The following CLSTN2 variants were observed in gnomAD, a reference collection of about 807,000 sequenced individuals.
CLSTN2 encodes calsyntenin-2.
CLSTN2 carries 48 observed loss-of-function variants against 101.2 expected under a neutral mutation model. That is an observed-to-expected ratio of 0.47 (90% CI 0.38 to 0.60). CLSTN2 has a LOEUF of 0.60. Ranked by LOEUF, CLSTN2 falls within the 20% of genes least tolerant of loss-of-function variation. The probability of loss-of-function intolerance (pLI) is 0.00; values close to 1 mark genes in which losing one functional copy is unlikely to be tolerated. For missense variants in CLSTN2, 1,160 were observed against 1,238.2 expected, an observed-to-expected ratio of 0.94 and a Z score of 0.95; for synonymous variants, 481 against 463.6, an observed-to-expected ratio of 1.04 and a Z score of -0.48.
intron 2 of CLSTN2, among the ~76,000 whole-genome samples, chr3:140,180,048 A>C (rs1189696999): frequency 6.6e-6 from 1 of 152,226 alleles, no homozygotes; most frequent in African/African-American, 2.4e-5. Context: ...TGCTGTCATC[A>C]TCTGTAAAAG....
intron 1 of CLSTN2, among the ~76,000 whole-genome samples, chr3:140,066,099 CAG>C (rs2008294728): frequency 6.6e-6 from 1 of 152,220 alleles, no homozygotes; most frequent in African/African-American, 2.4e-5. Context: ...TAGCAAGTGA[CAG>C]AGATGAGCTT....
At chr3:139,994,545 G>A (rs1936169593) in intron 1 of CLSTN2, among the ~76,000 whole-genome samples, 1 of 152,254 alleles carries the variant, frequency 6.6e-6, no homozygotes, top group South Asian at 2.1e-4. Flanking sequence ...TCTGTGAGGT[G>A]TTAATCCCCC....
At chr3:140,033,446 C>T (rs1481344066) in intron 1 of CLSTN2, among the ~76,000 whole-genome samples, 1 of 152,210 alleles carries the variant, frequency 6.6e-6, no homozygotes, top group Non-Finnish European at 1.5e-5. Flanking sequence ...TTTTCTTTTC[C>T]ATTCCAATGG....
chr3:140,456,200 T>C (rs1370605254), intron 6 of CLSTN2, among the ~76,000 whole-genome samples: 3 of 152,202 alleles, frequency 2.0e-5, no homozygotes, highest in Admixed American at 1.3e-4. Context: ...CCTCAGTTTC[T>C]ATGTTTGCAA....
At chr3:140,440,037 C>T (rs955736427) in intron 5 of CLSTN2, among the ~76,000 whole-genome samples, 5 of 152,248 alleles carry the variant, frequency 3.3e-5, no homozygotes, top group South Asian at 2.1e-4. Flanking sequence ...TGAGTGGGAA[C>T]GGGACTTAAA....
intron 1 of CLSTN2, among the ~76,000 whole-genome samples, chr3:140,099,791 C>A (rs554881151): frequency 2.0e-5 from 3 of 152,198 alleles, no homozygotes; most frequent in South Asian, 2.1e-4. Context: ...ATTTGCCAAC[C>A]CTGAAGAAAA....
At chr3:140,201,089 T>C (rs1467233454) in intron 2 of CLSTN2, among the ~76,000 whole-genome samples, 1 of 152,240 alleles carries the variant, frequency 6.6e-6, no homozygotes, top group Admixed American at 6.5e-5. Context: ...ACTTGTTGGC[T>C]GAGATGAACG....
At chr3:140,407,417 G>T (rs1368741770) in intron 4 of CLSTN2, among the ~76,000 whole-genome samples, 1 of 152,070 alleles carries the variant, frequency 6.6e-6, no homozygotes, top group Non-Finnish European at 1.5e-5. Flanking sequence ...TTTAACCAGA[G>T]ACTCACCCTC....
intron 2 of CLSTN2, among the ~76,000 whole-genome samples, chr3:140,214,026 C>T (rs1220957766): frequency 6.6e-6 from 1 of 152,044 alleles, no homozygotes; most frequent in Non-Finnish European, 1.5e-5. Context: ...TTAATTGGCC[C>T]AGCAGCTTAG....
chr3:140,123,972 A>T (rs913147219), intron 1 of CLSTN2, among the ~76,000 whole-genome samples: 8 of 152,096 alleles, frequency 5.3e-5, no homozygotes, highest in Non-Finnish European at 1.2e-4. Flanking sequence ...AAACAATCAC[A>T]CTGGGGGTTA....
Position 140,366,518 on chromosome 3 carries a change from C to A in CLSTN2, c.233-37111C>A, listed in dbSNP as rs113361874. 1.4e-3 allele frequency among the ~76,000 whole-genome samples: 220 copies of A among 152,328 alleles called. 1 individual carries two copies. The highest frequency in any genetic ancestry group is 4.8e-3 in the African/African-American group (199 of 41,586). On this transcript the variant is annotated intron_variant, in intron 2 of 16. Coordinates refer to ENST00000458420, the MANE Select transcript of CLSTN2 (RefSeq NM_022131.3). ...CCAGGCTGATTTCAGACAGAGGTGC[C>A]TGAGGAGGACCCGCTTGTATAGGGC... is the stretch of plus-strand genomic sequence containing the variant.
chr3:140,169,387 A>G (rs2010179377), intron 1 of CLSTN2, among the ~76,000 whole-genome samples: 1 of 152,044 alleles, frequency 6.6e-6, no homozygotes, highest in African/African-American at 2.4e-5. Context: ...TTTATTCCAT[A>G]GAATTTTTGC....
intron 2 of CLSTN2, among the ~76,000 whole-genome samples, chr3:140,208,198 G>C (rs1467512477): frequency 6.6e-6 from 1 of 151,986 alleles, no homozygotes; most frequent in Non-Finnish European, 1.5e-5. Context: ...TCCAAACAAT[G>C]CTAATATAGT....
At chr3:140,393,783 G>A (rs920104690) in intron 2 of CLSTN2, among the ~76,000 whole-genome samples, 4 of 152,160 alleles carry the variant, frequency 2.6e-5, no homozygotes. Context: ...CTGCTTGACA[G>A]TGGGAAAACA....
intron 2 of CLSTN2, among the ~76,000 whole-genome samples, chr3:140,388,165 T>C (rs2107968761): frequency 6.6e-6 from 1 of 152,352 alleles, no homozygotes; most frequent in East Asian, 1.9e-4. Context: ...AAAACTGTAA[T>C]GCTGTGAAAG....
At chr3:140,068,453 CCTT>C (rs2008335919) in intron 1 of CLSTN2, among the ~76,000 whole-genome samples, 1 of 152,206 alleles carries the variant, frequency 6.6e-6, no homozygotes, top group Admixed American at 6.5e-5. Context: ...CATGTCTTTG[CCTT>C]CTTCTTTCCA....
At chr3:140,125,324 CAGAG>C (rs1264358634) in intron 1 of CLSTN2, among the ~76,000 whole-genome samples, 2 of 151,982 alleles carry the variant, frequency 1.3e-5, no homozygotes, top group Admixed American at 1.3e-4. Context: ...CCATTCAGGA[CAGAG>C]AGGGCAGTTA....
chr3:140,456,174 G>A (rs116698986), intron 6 of CLSTN2, among the ~76,000 whole-genome samples: 1,583 of 152,256 alleles, frequency 0.01, 10 homozygotes, highest in Non-Finnish European at 0.015. Flanking sequence ...TGGTCCAGTC[G>A]TTTCCCCTCT....
chr3:140,031,923 G>A (rs1219490532), intron 1 of CLSTN2, among the ~76,000 whole-genome samples: 3 of 152,078 alleles, frequency 2.0e-5, no homozygotes, highest in South Asian at 2.1e-4. Flanking sequence ...TTTGTCTTTC[G>A]GACCTCACAA....
Sources: allele counts gnomAD v4.1 joint callset (sites outside exome capture counted in the v4.1 genomes callset), GRCh38; gene constraint gnomAD v4.1.1; transcripts MANE v1.5; gene names NCBI Gene and HGNC (gene_info 2026-07-23, HGNC 2026-07-21).